ZFHX3: variants seen among roughly 807,000 people sequenced by gnomAD.
ZFHX3 encodes zinc finger homeobox 3.
In ZFHX3, 42 loss-of-function variants were observed where a neutral mutation model predicts 279.1. The observed-to-expected ratio is 0.15, with a 90% confidence interval of 0.12 to 0.19. ZFHX3 has a LOEUF of 0.19. Among genes scored for constraint, ZFHX3 ranks in the 10% least tolerant of loss-of-function variants. The pLI, the probability that ZFHX3 is intolerant of heterozygous loss-of-function variation, is 1.00. For synonymous variants in ZFHX3, 2,293 were observed against 1,957.8 expected (o/e 1.17, Z -4.52); for missense variants, 4,981 against 4,754.0 (o/e 1.05, Z -1.40).
intron 8 of ZFHX3, among the ~76,000 whole-genome samples, chr16:73,080,679 T>C (rs1013991474): frequency 1.3e-5 from 2 of 152,106 alleles, no homozygotes; most frequent in African/African-American, 2.4e-5. Context: ...GCTCAAATGA[T>C]CCTTCCACGT....
At position 72,871,724 on chromosome 16, in the gene ZFHX3, G is replaced by A. The variant is rs138513631; in HGVS notation, c.3448+18007C>T. On this transcript the variant is annotated intron_variant, in intron 4 of 9. Coordinates refer to ENST00000268489, the MANE Select transcript of ZFHX3 (RefSeq NM_006885.4). ...ACTCCTGACCTCATGTGATCCGCCC[G>A]CCTCAGCCTCCCAAAGTGCTAGGAT... Among the ~76,000 whole-genome samples the A allele has an allele frequency of 1.8e-4, 28 of 151,692 alleles. No homozygotes were observed. In the East Asian group the frequency reaches 5.0e-3, roughly 27 times the overall value.
upstream of ZFHX3, chr16:73,061,968 T>A (rs1479441160): frequency 2.0e-5 from 3 of 152,180 alleles, no homozygotes; most frequent in Non-Finnish European, 4.4e-5. Context: ...TAAATACTTA[T>A]GCTAATTTTA....
chr16:73,352,828 A>G (rs1011358843), intron 3 of ZFHX3, among the ~76,000 whole-genome samples: 7 of 152,216 alleles, frequency 4.6e-5, no homozygotes, highest in African/African-American at 1.7e-4. Flanking sequence ...GCTTTTCTTC[A>G]TATGGGACTT....
chr16:73,378,496 G>C (rs980257486), intron 3 of ZFHX3, among the ~76,000 whole-genome samples: 11 of 152,092 alleles, frequency 7.2e-5, no homozygotes, highest in Non-Finnish European at 1.3e-4. Flanking sequence ...TGTGTACCTG[G>C]TTTCGCTGTT....
intron 1 of ZFHX3, among the ~76,000 whole-genome samples, chr16:72,993,894 G>A (rs72795136): frequency 0.011 from 1,683 of 152,250 alleles, 10 homozygotes; most frequent in Non-Finnish European, 0.018. Context: ...GGGCTGTAGA[G>A]ACTCTCTGGG....
intron 3 of ZFHX3, among the ~76,000 whole-genome samples, chr16:73,422,182 G>C (rs1170387480): frequency 1.4e-5 from 2 of 144,642 alleles, no homozygotes; most frequent in African/African-American, 5.1e-5. Context: ...AAATAAAACA[G>C]GATGTTTTCA....
chr16:73,679,785 A>C (rs576630476), intron 2 of ZFHX3: 2 of 152,186 alleles, frequency 1.3e-5, no homozygotes, highest in Non-Finnish European at 2.9e-5. Context: ...GCAGCTGTAC[A>C]TTAAGCACTG....
chr16:73,768,106 C>T (rs890822905), intron 1 of ZFHX3, among the ~76,000 whole-genome samples: 26 of 152,188 alleles, frequency 1.7e-4, no homozygotes, highest in African/African-American at 6.3e-4. Context: ...CCCTTGGCCA[C>T]TTACTGTGGA....
intron 2 of ZFHX3, among the ~76,000 whole-genome samples, chr16:73,579,388 G>A (rs1463954511): frequency 6.6e-6 from 1 of 152,016 alleles, no homozygotes; most frequent in Non-Finnish European, 1.5e-5. Context: ...CTTAACCTTG[G>A]CAAAATTAAC....
chr16:73,287,053 G>C (rs2014627255), intron 4 of ZFHX3, among the ~76,000 whole-genome samples: 1 of 148,006 alleles, frequency 6.8e-6, no homozygotes, highest in Non-Finnish European at 1.5e-5. Flanking sequence ...TTGCTGTGTG[G>C]CTGTACGGGC....
chr16:73,055,390 C>A (rs1965525806), intron 1 of ZFHX3, among the ~76,000 whole-genome samples: 1 of 152,054 alleles, frequency 6.6e-6, no homozygotes, highest in African/African-American at 2.4e-5. Flanking sequence ...GGGGGAGGCA[C>A]AATTTGTACA....
chr16:73,795,660 C>T (rs1959968650), intron 1 of ZFHX3, among the ~76,000 whole-genome samples: 1 of 152,212 alleles, frequency 6.6e-6, no homozygotes, highest in Non-Finnish European at 1.5e-5. Flanking sequence ...ACGACTGTGG[C>T]CACTGCTGCC....
chr16:72,792,045 G>A (rs927792588), intron 9 of ZFHX3, among the ~76,000 whole-genome samples: 1 of 152,136 alleles, frequency 6.6e-6, no homozygotes, highest in African/African-American at 2.4e-5. Flanking sequence ...AGGCCATTGT[G>A]GGGGGAATTT....
chr16:73,606,573 A>C (rs573146276), intron 2 of ZFHX3, among the ~76,000 whole-genome samples: 2 of 151,760 alleles, frequency 1.3e-5, no homozygotes, highest in East Asian at 3.9e-4. Context: ...AATGTAAATG[A>C]GTTTTTATTT....
intron 1 of ZFHX3, among the ~76,000 whole-genome samples, chr16:73,733,010 GTTTATTTATTTTA>G: frequency 6.6e-6 from 1 of 152,150 alleles, no homozygotes. Flanking sequence ...ATCTACAGCA[GTTTATTTATTTTA>G]ATGTTAGGTG....
intron 5 of ZFHX3, among the ~76,000 whole-genome samples, chr16:72,814,053 C>T (rs569633576): frequency 1.1e-4 from 17 of 152,280 alleles, no homozygotes; most frequent in Middle Eastern, 3.4e-3. Flanking sequence ...CAAATGCATT[C>T]TCAAGATGGG....
chr16:73,843,095 T>C (rs1254788783), intron 1 of ZFHX3, among the ~76,000 whole-genome samples: 1 of 152,236 alleles, frequency 6.6e-6, no homozygotes, highest in East Asian at 1.9e-4. Context: ...TTTTCCAGAA[T>C]AGGTGTCAAT....
At chr16:73,376,410 C>T (rs577384135) in intron 3 of ZFHX3, among the ~76,000 whole-genome samples, 2 of 152,254 alleles carry the variant, frequency 1.3e-5, no homozygotes, top group South Asian at 2.1e-4. Context: ...TCACTCAGCT[C>T]GTCCGTAGAA....
intron 5 of ZFHX3, among the ~76,000 whole-genome samples, chr16:73,166,268 T>C (rs1474510644): frequency 6.6e-6 from 1 of 152,106 alleles, no homozygotes; most frequent in Non-Finnish European, 1.5e-5. Flanking sequence ...TGGAGATTTA[T>C]GGGGCTTCAT....
Sources: allele counts gnomAD v4.1 joint callset (sites outside exome capture counted in the v4.1 genomes callset), GRCh38; gene constraint gnomAD v4.1.1; transcripts MANE v1.5; gene names NCBI Gene and HGNC (gene_info 2026-07-23, HGNC 2026-07-21).